Variants in HAUS7 observed in about 807,000 individuals in gnomAD.
The protein encoded by HAUS7 is HAUS augmin like complex subunit 7.
HAUS7 carries 3 observed loss-of-function variants against 28.4 expected under a neutral mutation model. The ratio of observed to expected loss-of-function variants is 0.11; its 90% confidence interval spans 0.05 to 0.27. HAUS7 has a LOEUF of 0.27. HAUS7 is among the 10% of genes least tolerant of loss of function. The probability of loss-of-function intolerance (pLI) is 1.00; values close to 1 mark genes in which losing one functional copy is unlikely to be tolerated. For synonymous variants in HAUS7, 165 were observed against 132.1 expected, an observed-to-expected ratio of 1.25 and a Z score of -1.71; for missense variants, 284 against 297.3, an observed-to-expected ratio of 0.96 and a Z score of 0.33.
rs782459560 is a variant in HAUS7, at chrX:153,467,722, G to C, written c.224+1424C>G. ...CTGCAGCGCGTGGAATGGCACACAG[G>C]TGCAGCCTGGAGAACCCCCCGACTG... is the stretch of plus-strand genomic sequence containing the variant. On this transcript the variant is annotated intron_variant, in intron 2 of 9. Transcript: ENST00000370211. Among the ~76,000 whole-genome samples the C allele has an allele frequency of 1.9e-3, 212 of 112,632 alleles. 1 individual carries two copies. Among genetic ancestry groups the C allele is most frequent in the African/African-American group, 6.5e-3 (203 of 30,998 alleles).
In HAUS7 at chrX:153,462,625, G is replaced by A. The variant is rs151126174; in HGVS notation, c.339C>T (p.Asp113=). The change falls in exon 4 of 10, where the codon GAC becomes GAT. Residue 113 remains aspartate, a synonymous_variant. Transcript: ENST00000370211. ...GHELMLCAPD[D]QELLKGCACA... is the part of the protein sequence containing the mutation. ...GCCCTCTTACCTTGAGGAGCTCCTG[G>A]TCATCTGGCGCACACAGCATCAGCT... 131 of 1,203,001 alleles carry A rather than the reference G, an allele frequency of 1.1e-4. No individual in the cohort carries two copies. Among genetic ancestry groups the A allele is most frequent in the Non-Finnish European group, 1.4e-4 (120 of 887,645 alleles).
At chrX:153,452,447 T>C (rs1602926899) in intron 9 of HAUS7, among the ~76,000 whole-genome samples, 1 of 112,776 alleles carries the variant, frequency 8.9e-6, no homozygotes, top group South Asian at 3.6e-4. Context: ...ATTAGTTTGG[T>C]AATACACTGT....
At chrX:153,471,520 G>GC (rs1160025144), upstream of HAUS7, among the ~76,000 whole-genome samples, 1 of 112,541 alleles carries the variant, frequency 8.9e-6, no homozygotes, top group African/African-American at 3.2e-5. Flanking sequence ...GACCTGCAAA[G>GC]CCCCCAGTTC....
At chrX:153,482,825 C>G in intron 1 of HAUS7, 8 of 684,948 alleles carry the variant, frequency 1.2e-5, no homozygotes, top group Non-Finnish European at 1.0e-5. Context: ...GAGGCTGGAC[C>G]GGAACCGGCT....
At chrX:153,480,672 G>A in intron 1 of HAUS7, 1 of 754,752 alleles carries the variant, frequency 1.3e-6, no homozygotes, top group Non-Finnish European at 1.6e-6. Context: ...CCCGAAGCAG[G>A]GAGCTCAAGG....
At position 153,468,399 on chromosome X, in the gene HAUS7, C is replaced by T. The variant is rs1341173812; in HGVS notation, c.224+747G>A. Reference sequence around the variant, plus strand: ...CATGGCCTGGGCACACACCCAATCCCACAGGAGCCTGTGCTCTGTGGGAGG... The same window carrying T: ...CATGGCCTGGGCACACACCCAATCCTACAGGAGCCTGTGCTCTGTGGGAGG... On this transcript the variant is annotated intron_variant, in intron 2 of 9. Coordinates refer to ENST00000370211, the MANE Select transcript of HAUS7 (RefSeq NM_001385482.1). Among the ~76,000 whole-genome samples, 3 of 112,888 alleles carry T rather than the reference C, an allele frequency of 2.7e-5. No individual in the cohort carries two copies. In the East Asian group the frequency reaches 8.4e-4, roughly 32 times the overall value.
chrX:153,482,231 C>G (rs1184232668), intron 1 of HAUS7: 2 of 667,602 alleles, frequency 3.0e-6, no homozygotes, highest in African/African-American at 4.9e-5. Flanking sequence ...ACAGAGTGCC[C>G]TTGGTCAGGA....
chrX:153,486,954 G>A (rs782476052), intron 1 of HAUS7: 1 of 465,036 alleles, frequency 2.2e-6, no homozygotes, highest in East Asian at 9.3e-5. Context: ...CCATTGACTG[G>A]TGAGGCCGCT....
At chrX:153,465,312 CAAAAAAAAAAA>C (rs72146941) in intron 2 of HAUS7, among the ~76,000 whole-genome samples, 7 of 57,192 alleles carry the variant, frequency 1.2e-4, no homozygotes, top group African/African-American at 4.8e-4. Flanking sequence ...TTCTCAAGAC[CAAAAAAAAAAA>C]AAAAAAAAAA....
chrX:153,494,480 C>A (rs148102210), intron 1 of HAUS7, among the ~76,000 whole-genome samples: 1,575 of 112,265 alleles, frequency 0.014, 6 homozygotes, highest in Non-Finnish European at 0.021. Context: ...CCTCTCTGAT[C>A]CTGGAGAAAC....
intron 1 of HAUS7, among the ~76,000 whole-genome samples, chrX:153,483,999 A>G (rs2089619123): frequency 8.9e-6 from 1 of 112,023 alleles, no homozygotes; most frequent in Admixed American, 9.4e-5. Flanking sequence ...GTGGCTTCAA[A>G]CAACAGAAAT....
At chrX:153,465,559 C>T (rs1026982973) in intron 2 of HAUS7, among the ~76,000 whole-genome samples, 1 of 112,236 alleles carries the variant, frequency 8.9e-6, no homozygotes, top group African/African-American at 3.2e-5. Context: ...GGGCTCCTGC[C>T]GCAACAGAGT....
intron 1 of HAUS7, chrX:153,485,874 G>A (rs116117083): frequency 8.9e-5 from 82 of 916,988 alleles, no homozygotes; most frequent in East Asian, 1.7e-4. Flanking sequence ...CACATCGAGC[G>A]CATCCCTGGC....
chrX:153,491,828 G>T (rs782431034), intron 1 of HAUS7, among the ~76,000 whole-genome samples: 2 of 113,168 alleles, frequency 1.8e-5, no homozygotes, highest in African/African-American at 3.2e-5. Context: ...CTGAGCTCTC[G>T]GCTCCATCCG....
At chrX:153,465,249 T>A (rs782082363) in intron 2 of HAUS7, among the ~76,000 whole-genome samples, 194 bp from the exon 3 acceptor site, 1 of 107,685 alleles carries the variant, frequency 9.3e-6, no homozygotes, top group East Asian at 2.9e-4. Context: ...TCCAGGAAGT[T>A]TACCTCGGAA....
chrX:153,456,237 AC>A (rs782182134), intron 7 of HAUS7, 27 bp downstream of exon 7: 8 of 1,131,716 alleles, frequency 7.1e-6, no homozygotes, highest in Non-Finnish European at 9.7e-6. Flanking sequence ...CCTCCAAGCA[AC>A]CCCCTCCCAG....
At chrX:153,491,214 G>A (rs1286903235) in intron 1 of HAUS7, among the ~76,000 whole-genome samples, 8 of 111,754 alleles carry the variant, frequency 7.2e-5, no homozygotes, top group Non-Finnish European at 1.5e-4. Context: ...GGGGACCCCT[G>A]CATAAGAGGC....
chrX:153,463,955 G>A (rs782119339), intron 3 of HAUS7, among the ~76,000 whole-genome samples: 29 of 112,700 alleles, frequency 2.6e-4, no homozygotes, highest in South Asian at 1.5e-3. Context: ...GTCTCTCCCC[G>A]CTAGCACGCA....
chrX:153,458,402 C>G (rs1386570431), intron 4 of HAUS7, among the ~76,000 whole-genome samples: 1 of 113,225 alleles, frequency 8.8e-6, no homozygotes, highest in East Asian at 2.8e-4. Flanking sequence ...GAATCATACA[C>G]TACCAAGCAT....
Sources: gnomAD v4.1 joint callset for allele counts (sites outside exome capture counted in the v4.1 genomes callset) on GRCh38, gnomAD v4.1.1 for gene constraint, MANE v1.5 for transcripts, NCBI Gene and HGNC (gene_info 2026-07-23, HGNC 2026-07-21) for gene names.